Variants in PTPRD observed in about 807,000 individuals in gnomAD.
The protein encoded by PTPRD is receptor-type tyrosine-protein phosphatase delta.
PTPRD carries 34 observed loss-of-function variants against 214.5 expected under a neutral mutation model. That is an observed-to-expected ratio of 0.16 (90% CI 0.12 to 0.21). PTPRD has a LOEUF of 0.21. Among genes scored for constraint, PTPRD ranks in the 10% least tolerant of loss-of-function variants. The probability of loss-of-function intolerance (pLI) is 1.00; values close to 1 mark genes in which losing one functional copy is unlikely to be tolerated. For missense variants in PTPRD, 2,545 were observed against 2,398.7 expected, an observed-to-expected ratio of 1.06 and a Z score of -1.27; for synonymous variants, 1,128 against 845.7, an observed-to-expected ratio of 1.33 and a Z score of -5.79.
rs140902760 is a variant in PTPRD at position 9,123,609 on chromosome 9, G to T, written c.-143+59695C>A. On this transcript the variant is annotated intron_variant, in intron 10 of 45. Transcript: ENST00000381196. ...TAGCAAAGTAACCAGCCCATAGACT[G>T]ATAAAAACTGAACATATTATATCTT... 3.9e-3 allele frequency among the ~76,000 whole-genome samples: 597 copies of T among 152,144 alleles called. 2 individuals are homozygous for T. The highest frequency in any genetic ancestry group is 0.017 in the East Asian group (89 of 5,170).
At chr9:8,795,192 T>A (rs1034911167) in intron 11 of PTPRD, among the ~76,000 whole-genome samples, 2 of 151,958 alleles carry the variant, frequency 1.3e-5, no homozygotes, top group South Asian at 2.1e-4. Flanking sequence ...TTGAGATGAG[T>A]CTCACTCTGT....
Position 10,422,358 on chromosome 9 carries a change from A to G in PTPRD, c.-599-81341T>C, listed in dbSNP as rs1030344625. On this transcript the variant is annotated intron_variant, in intron 2 of 45. Transcript: ENST00000381196. ...TTAGACCTGAAACCATAAAAACCAT[A>G]CAGGAAAACCTAGGCAATACCATTC... 2.6e-5 allele frequency among the ~76,000 whole-genome samples: 4 copies of G among 152,198 alleles called. No individual in the cohort carries two copies. The South Asian group carries it at 6.2e-4, about 24-fold the overall frequency.
intron 43 of PTPRD, among the ~76,000 whole-genome samples, chr9:8,338,242 G>A (rs896431457): frequency 1.4e-4 from 21 of 152,216 alleles, no homozygotes; most frequent in African/African-American, 5.1e-4. Context: ...GTAATCATGG[G>A]TTGAAAGTGG....
At chr9:9,629,810 C>T (rs1202373129) in intron 7 of PTPRD, among the ~76,000 whole-genome samples, 1 of 152,192 alleles carries the variant, frequency 6.6e-6, no homozygotes, top group African/African-American at 2.4e-5. Flanking sequence ...CCCAAAACTA[C>T]ACTGACAGCT....
At chr9:9,384,810 T>C (rs751974288) in intron 9 of PTPRD, among the ~76,000 whole-genome samples, 1 of 152,034 alleles carries the variant, frequency 6.6e-6, no homozygotes, top group Non-Finnish European at 1.5e-5. Context: ...TTTAGTGATA[T>C]TTCTATTTGG....
intron 26 of PTPRD, among the ~76,000 whole-genome samples, chr9:8,493,830 T>C (rs2097198538): frequency 6.6e-6 from 1 of 152,174 alleles, no homozygotes; most frequent in African/African-American, 2.4e-5. Context: ...AAAGCTGTGG[T>C]GGTTATAAGA....
intron 23 of PTPRD, 95 bp from the exon 24 acceptor site, chr9:8,501,154 T>C: frequency 1.1e-6 from 1 of 894,918 alleles, no homozygotes; most frequent in Admixed American, 2.9e-5. Context: ...CAAAAATAAA[T>C]AAACGAACAA....
At chr9:9,264,415 G>A (rs1938064320) in intron 9 of PTPRD, among the ~76,000 whole-genome samples, 1 of 151,508 alleles carries the variant, frequency 6.6e-6, no homozygotes, top group Non-Finnish European at 1.5e-5. Flanking sequence ...AGTGTCAAAG[G>A]CATACTTAAT....
chr9:10,047,498 T>C (rs940940097), intron 3 of PTPRD, among the ~76,000 whole-genome samples: 1 of 152,044 alleles, frequency 6.6e-6, no homozygotes, highest in Non-Finnish European at 1.5e-5. Flanking sequence ...CTCTACAAAA[T>C]GTAGCCAAGG....
chr9:8,994,458 A>G (rs1567467928), intron 11 of PTPRD, among the ~76,000 whole-genome samples: 1 of 152,252 alleles, frequency 6.6e-6, no homozygotes, highest in South Asian at 2.1e-4. Flanking sequence ...TTTTTACTCT[A>G]ACAGGTTACT....
chr9:10,101,385 T>G (rs2098550460), intron 3 of PTPRD, among the ~76,000 whole-genome samples: 1 of 151,738 alleles, frequency 6.6e-6, no homozygotes, highest in Non-Finnish European at 1.5e-5. Context: ...CTTTCACTGC[T>G]AATATAGTGT....
intron 5 of PTPRD, among the ~76,000 whole-genome samples, chr9:9,824,190 A>C (rs2051845083): frequency 6.6e-6 from 1 of 151,980 alleles, no homozygotes; most frequent in Non-Finnish European, 1.5e-5. Flanking sequence ...TATCAAAAAA[A>C]AAATTCAGAA....
chr9:8,994,665 G>A lies in PTPRD; in HGVS notation c.-104+24032C>T, dbSNP rs954456846. Among the ~76,000 whole-genome samples, 3 of 152,068 alleles carry A rather than the reference G, an allele frequency of 2.0e-5. No individual in the cohort carries two copies. The South Asian group carries it at 6.2e-4, about 32-fold the overall frequency. The stretch of plus-strand genomic sequence containing the variant: ...GACAATTACAATTACGGTTGGAGGG[G>A]GGGTGTTGTTTGTTTTTGTAATGAG... On this transcript the variant is annotated intron_variant, in intron 11 of 45. Transcript: ENST00000381196.
At position 8,376,646 on chromosome 9, in the gene PTPRD, C is replaced by A. The variant is rs192508712; in HGVS notation, c.4467G>T (p.Glu1489Asp). ...LVQVTLLDTV[E>D]LATYCVRTFA... ...ATGTTCGAACACAATATGTGGCCAG[C>A]TCCACAGTATCAAGCAGCGTTACTT... The change falls in exon 38 of 46, where the codon GAG (glutamate) becomes GAT (aspartate). Residue 1489 changes from glutamate to aspartate, a missense_variant. Glu to Asp is a conservative substitution (Grantham distance 45). Transcript: ENST00000381196. The A allele has an allele frequency of 3.7e-6, 6 of 1,613,062 alleles. No homozygotes were observed. The South Asian group carries it at 5.5e-5, about 15-fold the overall frequency.
At chr9:10,097,169 C>T (rs201558303) in intron 3 of PTPRD, among the ~76,000 whole-genome samples, 3 of 109,508 alleles carry the variant, frequency 2.7e-5, no homozygotes, top group Non-Finnish European at 6.6e-5. Flanking sequence ...AGTCAGGTAA[C>T]AGGATGCCTC....
chr9:9,651,294 C>A (rs1045505969), intron 7 of PTPRD, among the ~76,000 whole-genome samples: 1 of 152,088 alleles, frequency 6.6e-6, no homozygotes, highest in Admixed American at 6.5e-5. Context: ...GTTACATAGG[C>A]AAACTTGTAT....
intron 9 of PTPRD, among the ~76,000 whole-genome samples, chr9:9,297,091 T>C (rs1234094979): frequency 6.6e-6 from 1 of 151,698 alleles, no homozygotes; most frequent in Non-Finnish European, 1.5e-5. Flanking sequence ...TACTTCTGGC[T>C]TCAGACTGTA....
intron 7 of PTPRD, among the ~76,000 whole-genome samples, chr9:9,628,110 A>C (rs564344384): frequency 4.1e-4 from 63 of 152,174 alleles, no homozygotes; most frequent in Non-Finnish European, 7.5e-4. Context: ...TTGCCTTCTA[A>C]AATTTTAATC....
chr9:8,787,972 TTTTGCTAACTTTGAGAAGTAAAAGA>T (rs1407907608), intron 11 of PTPRD, among the ~76,000 whole-genome samples: 2 of 152,168 alleles, frequency 1.3e-5, no homozygotes, highest in African/African-American at 4.8e-5. Flanking sequence ...AAAAGGTGCT[TTTTGCTAACTTTGAGAAGTAAAAGA>T]TTTGCTAACT....
Sources: allele counts gnomAD v4.1 joint callset (sites outside exome capture counted in the v4.1 genomes callset), GRCh38; gene constraint gnomAD v4.1.1; transcripts MANE v1.5; gene names NCBI Gene and HGNC (gene_info 2026-07-23, HGNC 2026-07-21).